The following AUTS2 variants were observed in gnomAD, a reference collection of about 807,000 sequenced individuals.
AUTS2 encodes autism susceptibility gene 2 protein.
Under a neutral mutation model 112.4 loss-of-function variants are expected in AUTS2, and 17 were observed. The observed-to-expected ratio is 0.15, with a 90% CI of 0.10 to 0.23. The LOEUF (loss-of-function observed/expected upper bound fraction) is 0.23, where lower values mean the gene tolerates loss of function less well. Among genes scored for constraint, AUTS2 ranks in the 10% least tolerant of loss-of-function variants. AUTS2 has a pLI of 1.00. For missense variants in AUTS2, 1,510 were observed against 1,701.6 expected (o/e 0.89, Z 1.98); for synonymous variants, 751 against 702.7 (o/e 1.07, Z -1.09).
intron 6 of AUTS2, among the ~76,000 whole-genome samples, chr7:70,734,256 A>C (rs1009976725): frequency 1.3e-5 from 2 of 151,890 alleles, no homozygotes; most frequent in African/African-American, 4.8e-5. Context: ...TGGCTAACAC[A>C]GTGAAACCCC....
chr7:70,685,858 G>A (rs1266571105), intron 5 of AUTS2, among the ~76,000 whole-genome samples: 3 of 152,204 alleles, frequency 2.0e-5, no homozygotes, highest in African/African-American at 7.2e-5. Flanking sequence ...TGCATCTGCT[G>A]AAACACAGAT....
At chr7:69,835,436 C>T (rs562249913) in intron 1 of AUTS2, among the ~76,000 whole-genome samples, 1 of 152,212 alleles carries the variant, frequency 6.6e-6, no homozygotes, top group African/African-American at 2.4e-5. Flanking sequence ...GGAGAGGCCA[C>T]TAGACAAGAT....
chr7:70,134,388 A>G (rs1413003746), intron 3 of AUTS2, 148 bp from the exon 4 acceptor site: 2 of 666,086 alleles, frequency 3.0e-6, no homozygotes, highest in Non-Finnish European at 5.4e-6. Flanking sequence ...CGGTGTTTGT[A>G]TCAGTAGCAG....
intron 5 of AUTS2, among the ~76,000 whole-genome samples, chr7:70,562,617 C>G (rs921677684): frequency 1.3e-5 from 2 of 152,200 alleles, no homozygotes; most frequent in Non-Finnish European, 2.9e-5. Flanking sequence ...TCTGACTGTT[C>G]CTACCAGATT....
chr7:70,654,413 A>G (rs913253586), intron 5 of AUTS2, among the ~76,000 whole-genome samples: 2 of 152,218 alleles, frequency 1.3e-5, no homozygotes, highest in Non-Finnish European at 1.5e-5. Flanking sequence ...TTTATTTACA[A>G]AAATAAGACG....
chr7:69,750,682 G>T (rs914215954), intron 1 of AUTS2, among the ~76,000 whole-genome samples: 2 of 151,836 alleles, frequency 1.3e-5, no homozygotes, highest in African/African-American at 4.8e-5. Context: ...TTTTTGTAAA[G>T]ATCTGGGCCT....
At chr7:70,522,981 AATTT>A (rs1184866344) in intron 5 of AUTS2, among the ~76,000 whole-genome samples, 5 of 152,334 alleles carry the variant, frequency 3.3e-5, no homozygotes, top group Admixed American at 1.3e-4. Flanking sequence ...CTACATAATT[AATTT>A]AAGAATGAGA....
chr7:69,726,235 ATTCGTGTTAACATAGTTTAGTT>A (rs1360409568), intron 1 of AUTS2, among the ~76,000 whole-genome samples: 12 of 152,106 alleles, frequency 7.9e-5, no homozygotes, highest in African/African-American at 2.9e-4. Context: ...CACTGTTCTG[ATTCGTGTTAACATAGTTTAGTT>A]TTGCCTGTTC....
At chr7:69,734,902 C>T (rs978715191) in intron 1 of AUTS2, among the ~76,000 whole-genome samples, 4 of 152,156 alleles carry the variant, frequency 2.6e-5, no homozygotes, top group South Asian at 2.1e-4. Flanking sequence ...CTGCCCCATT[C>T]TCAATGTAAA....
intron 1 of AUTS2, among the ~76,000 whole-genome samples, chr7:69,897,540 C>A (rs1794800261): frequency 6.6e-6 from 1 of 150,998 alleles, no homozygotes; most frequent in Admixed American, 6.6e-5. Context: ...CCAAAGTCCC[C>A]CATCTCCTGG....
intron 5 of AUTS2, among the ~76,000 whole-genome samples, chr7:70,484,582 G>C (rs1283837808): frequency 6.6e-6 from 1 of 152,126 alleles, no homozygotes; most frequent in Non-Finnish European, 1.5e-5. Flanking sequence ...CTCCCCAGGG[G>C]GCTCCCAGTG....
chr7:70,188,229 G>T (rs1048136020), intron 4 of AUTS2, among the ~76,000 whole-genome samples: 3 of 152,090 alleles, frequency 2.0e-5, no homozygotes, highest in Non-Finnish European at 4.4e-5. Context: ...ACACACTTTT[G>T]TTTTATTGAG....
At chr7:70,157,669 A>C (rs905386226) in intron 4 of AUTS2, among the ~76,000 whole-genome samples, 1 of 152,260 alleles carries the variant, frequency 6.6e-6, no homozygotes, top group African/African-American at 2.4e-5. Flanking sequence ...TGACCCAGGC[A>C]CTTCAGGATC....
At chr7:69,999,438 A>G (rs1297592342) in intron 2 of AUTS2, among the ~76,000 whole-genome samples, 1 of 152,210 alleles carries the variant, frequency 6.6e-6, no homozygotes, top group African/African-American at 2.4e-5. Flanking sequence ...AGACTAGATA[A>G]AAAAGGATAT....
chr7:69,856,202 A>G (rs2129530770), intron 1 of AUTS2, among the ~76,000 whole-genome samples: 1 of 152,124 alleles, frequency 6.6e-6, no homozygotes, highest in East Asian at 1.9e-4. Flanking sequence ...CTGAGTCCCA[A>G]GGGGTCAGTG....
chr7:70,119,760 GAGAT>G (rs1175842639), intron 3 of AUTS2: 4 of 152,056 alleles, frequency 2.6e-5, no homozygotes, highest in Non-Finnish European at 4.4e-5. Context: ...TGAAAAAAAA[GAGAT>G]AGCACTTCAG....
chr7:69,602,020 G>GTATATATATA (rs1173266676), intron 1 of AUTS2, among the ~76,000 whole-genome samples: 46 of 68,292 alleles, frequency 6.7e-4, no homozygotes, highest in South Asian at 1.5e-3. Context: ...ATGTGTGTGT[G>GTATATATATA]TATATATATA....
intron 5 of AUTS2, among the ~76,000 whole-genome samples, chr7:70,578,920 T>A (rs1802297766): frequency 7.1e-6 from 1 of 141,604 alleles, no homozygotes. Context: ...TTCTTTTTTT[T>A]TCTTTCTTTT....
At chr7:70,605,544 C>CTTTTTTTT in intron 5 of AUTS2, among the ~76,000 whole-genome samples, 1 of 40,542 alleles carries the variant, frequency 2.5e-5, no homozygotes, top group Non-Finnish European at 4.2e-5. Flanking sequence ...TTCCTTCTTT[C>CTTTTTTTT]TCTTTTTTTT....
Sources: allele counts gnomAD v4.1 joint callset (sites outside exome capture counted in the v4.1 genomes callset), GRCh38; gene constraint gnomAD v4.1.1; transcripts MANE v1.5; gene names NCBI Gene and HGNC (gene_info 2026-07-23, HGNC 2026-07-21).